PCDHGA8: variants seen among roughly 807,000 people sequenced by gnomAD.
The protein encoded by PCDHGA8 is protocadherin gamma-A8.
In PCDHGA8, 45 loss-of-function variants were observed where a neutral mutation model predicts 59.2. The observed-to-expected ratio is 0.76, with a 90% CI of 0.60 to 0.98. The LOEUF is 0.98. Among genes scored for constraint, PCDHGA8 ranks in the 50% least tolerant of loss-of-function variants. PCDHGA8 has a pLI of 0.00. For missense variants in PCDHGA8, 1,257 were observed against 1,196.2 expected, an observed-to-expected ratio of 1.05 and a Z score of -0.75; for synonymous variants, 531 against 519.0, an observed-to-expected ratio of 1.02 and a Z score of -0.32.
chr5:141,393,573 A>G lies in PCDHGA8; in HGVS notation c.760A>G (p.Asn254Asp), dbSNP rs568065764. 1.2e-4 allele frequency: 190 copies of G among 1,613,964 alleles called. 1 individual carries two copies. In the South Asian group the frequency reaches 2.0e-3, roughly 17 times the overall value. ...HPIYRVKVLE[N>D]MPPGTRLLTV... ...GATTTACCGAGTGAAAGTCCTTGAGAACATGCCCCCAGGCACGCGGCTGCT... is the reference window on the plus strand; with the variant it reads ...GATTTACCGAGTGAAAGTCCTTGAGGACATGCCCCCAGGCACGCGGCTGCT... Residue 254 changes from asparagine (N) to aspartate (D), a missense_variant, in exon 1 of 4, where the codon AAC becomes GAC. Coordinates refer to ENST00000398604, the MANE Select transcript of PCDHGA8 (RefSeq NM_032088.2).
Position 141,447,676 on chromosome 5 carries a change from C to T in PCDHGA8, c.2425-47131C>T, listed in dbSNP as rs1466767844. Among the ~76,000 whole-genome samples the T allele has an allele frequency of 2.6e-5, 4 of 152,104 alleles. No individual in the cohort carries two copies. The East Asian group carries it at 7.7e-4, about 29-fold the overall frequency. On this transcript the variant is annotated intron_variant, in intron 1 of 3. Coordinates refer to ENST00000398604, the MANE Select transcript of PCDHGA8 (RefSeq NM_032088.2). The stretch of plus-strand genomic sequence containing the variant: ...CCCCCCCAGGAAGTTAGAACTGTTC[C>T]ATATCTTGATAGAGGGATGGGTTAT...
chr5:141,396,811 A>G (rs999771105), intron 1 of PCDHGA8, among the ~76,000 whole-genome samples: 1 of 152,226 alleles, frequency 6.6e-6, no homozygotes, highest in Non-Finnish European at 1.5e-5. Flanking sequence ...GTAGTGTTCT[A>G]CTGTATGGTG....
At chr5:141,407,013 C>T (rs550387003) in intron 1 of PCDHGA8, among the ~76,000 whole-genome samples, 28 of 152,216 alleles carry the variant, frequency 1.8e-4, no homozygotes, top group Middle Eastern at 6.8e-3. Context: ...TTGAAGTTGA[C>T]TCAAAATTCT....
At chr5:141,473,974 C>A (rs958240236) in intron 1 of PCDHGA8, among the ~76,000 whole-genome samples, 1 of 152,054 alleles carries the variant, frequency 6.6e-6, no homozygotes, top group Non-Finnish European at 1.5e-5. Flanking sequence ...AAGTCTGAGG[C>A]GGGAGGATCC....
intron 1 of PCDHGA8, among the ~76,000 whole-genome samples, chr5:141,402,769 C>T (rs1404796973): frequency 6.6e-6 from 1 of 152,196 alleles, no homozygotes; most frequent in Non-Finnish European, 1.5e-5. Context: ...GGACTCCATC[C>T]GGATTTCCAG....
chr5:141,414,375 G>C, intron 1 of PCDHGA8: 1 of 1,613,854 alleles, frequency 6.2e-7, no homozygotes, highest in Non-Finnish European at 8.5e-7. Flanking sequence ...AATTAGAAAA[G>C]TCCATTGACA....
intron 1 of PCDHGA8, chr5:141,478,721 C>A: frequency 6.5e-7 from 1 of 1,543,216 alleles, no homozygotes; most frequent in Non-Finnish European, 8.8e-7. Context: ...TGGTGGCCTG[C>A]CAGAGTGTGG....
intron 1 of PCDHGA8, among the ~76,000 whole-genome samples, chr5:141,445,458 A>G (rs1427391084): frequency 6.6e-6 from 1 of 152,248 alleles, no homozygotes; most frequent in Non-Finnish European, 1.5e-5. Flanking sequence ...TGCAGCAATG[A>G]ACAAGGCATA....
At position 141,400,611 on chromosome 5, in the gene PCDHGA8, G is replaced by A. The variant is rs555600694; in HGVS notation, c.2424+5374G>A. The A allele has an allele frequency of 1.3e-5, 20 of 1,573,002 alleles. No homozygotes were observed. In the African/African-American group the frequency reaches 2.4e-4, roughly 19 times the overall value. On this transcript the variant is annotated intron_variant, in intron 1 of 3. Coordinates refer to ENST00000398604, the MANE Select transcript of PCDHGA8 (RefSeq NM_032088.2). The stretch of plus-strand genomic sequence containing the variant: ...ACTATCGTACATTTTCAAGTCCAAT[G>A]AGTTGTCTTAGGGAAGTCAGAGCTG...
At chr5:141,450,460 TTATA>T (rs1234300844) in intron 1 of PCDHGA8, among the ~76,000 whole-genome samples, 1 of 152,104 alleles carries the variant, frequency 6.6e-6, no homozygotes, top group Non-Finnish European at 1.5e-5. Flanking sequence ...CCTCGTGATT[TTATA>T]TATAGAGTTT....
At chr5:141,498,632 A>G (rs2099784830) in intron 2 of PCDHGA8, among the ~76,000 whole-genome samples, 1 of 152,118 alleles carries the variant, frequency 6.6e-6, no homozygotes, top group South Asian at 2.1e-4. Context: ...CACTGCCTAG[A>G]CAGAAGGAAG....
intron 1 of PCDHGA8, chr5:141,403,850 G>T: frequency 6.2e-7 from 1 of 1,613,634 alleles, no homozygotes; most frequent in Non-Finnish European, 8.5e-7. Context: ...AAATACTGGG[G>T]AAATATCAAC....
chr5:141,488,751 C>T (rs1185515068), intron 1 of PCDHGA8, among the ~76,000 whole-genome samples: 1 of 152,154 alleles, frequency 6.6e-6, no homozygotes, highest in Non-Finnish European at 1.5e-5. Context: ...CAGGAAGTTG[C>T]TGGGACAGAA....
At position 141,491,752 on chromosome 5, in the gene PCDHGA8, G is replaced by C. The variant is rs1464731659; in HGVS notation, c.2425-3055G>C. 6 of 1,586,646 alleles carry C rather than the reference G, an allele frequency of 3.8e-6. No homozygotes were observed. The African/African-American group carries it at 8.1e-5, about 21-fold the overall frequency. On this transcript the variant is annotated intron_variant, in intron 1 of 3. Transcript: ENST00000398604. The surrounding 1 kb of genome is among the most constrained non-coding windows in gnomAD (Gnocchi z 6.9). ...GACCCCTGGGGGCGGCACTGGAGAA[G>C]CCGCCCGTCCTCATAAGGGATTGAA...
Position 141,489,090 on chromosome 5 carries a change from C to CCAA in PCDHGA8, c.2425-5717_2425-5716insCAA, listed in dbSNP as rs2099682444. 1 of 328,824 alleles carries CCAA rather than the reference C, an allele frequency of 3.0e-6. No individual in the cohort carries two copies. Among genetic ancestry groups the CCAA allele is most frequent in the Admixed American group, 6.1e-5 (1 of 16,500 alleles). The allele number at this position is 328,824 out of a possible 1,614,324, so 20.4% of individuals were successfully genotyped here. ...CCTGCCCACCCCCGCCACTCGGTGA[C>CCAA]TAAGAACTGCTGCAAGCAGGCAAAC... On this transcript the variant is annotated intron_variant, in intron 1 of 3. Transcript: ENST00000398604. This position sits in a 1 kb window ranked among gnomAD's most constrained non-coding sequence, Gnocchi z 4.5.
chr5:141,410,760 A>C, intron 1 of PCDHGA8: 1 of 1,177,482 alleles, frequency 8.5e-7, no homozygotes. Context: ...ATGTTTTTTC[A>C]ATTATAGTTT....
chr5:141,411,538 C>G (rs1418802121), intron 1 of PCDHGA8: 1 of 152,268 alleles, frequency 6.6e-6, no homozygotes, highest in Non-Finnish European at 1.5e-5. Context: ...GAGCCCTGAT[C>G]TTGCCACTGC....
At chr5:141,480,298 C>T (rs1238380283) in intron 1 of PCDHGA8, among the ~76,000 whole-genome samples, 1 of 132,676 alleles carries the variant, frequency 7.5e-6, no homozygotes, top group Non-Finnish European at 1.6e-5. Flanking sequence ...ACCTGTGGTA[C>T]CAGCTACTTG....
At chr5:141,413,722 T>TCC (rs1330658153) in intron 1 of PCDHGA8, 1 of 1,613,450 alleles carries the variant, frequency 6.2e-7, no homozygotes. Context: ...TAAGCACTTC[T>TCC]CCCTAAGAGT....
Sources: gnomAD v4.1 joint callset for allele counts (sites outside exome capture counted in the v4.1 genomes callset) on GRCh38, gnomAD v4.1.1 for gene constraint, Gnocchi (gnomAD v3.1) non-coding constraint, MANE v1.5 for transcripts, NCBI Gene and HGNC (gene_info 2026-07-23, HGNC 2026-07-21) for gene names.